Variants in GRM8 observed in about 807,000 individuals in gnomAD.
GRM8 encodes the protein glutamate metabotropic receptor 8.
GRM8 carries 47 observed loss-of-function variants against 87.2 expected under a neutral mutation model. That is an observed-to-expected ratio of 0.54 (90% CI 0.43 to 0.69). The LOEUF (loss-of-function observed/expected upper bound fraction) is 0.69. Ranked by LOEUF, GRM8 falls within the 30% of genes least tolerant of loss-of-function variation. The probability of loss-of-function intolerance (pLI) is 0.00; values close to 1 mark genes in which losing one functional copy is unlikely to be tolerated. For missense variants in GRM8, 1,019 were observed against 1,139.2 expected (o/e 0.89, Z 1.52); for synonymous variants, 396 against 404.5 (o/e 0.98, Z 0.25).
chr7:126,987,031 T>C (rs1205056445), intron 3 of GRM8, among the ~76,000 whole-genome samples: 3 of 152,264 alleles, frequency 2.0e-5, no homozygotes, highest in African/African-American at 7.2e-5. Context: ...CTAGAATCAA[T>C]AAATGGCAAA....
intron 3 of GRM8, among the ~76,000 whole-genome samples, chr7:127,038,568 G>C (rs750720087): frequency 1.3e-5 from 2 of 151,940 alleles, no homozygotes; most frequent in African/African-American, 2.4e-5. Context: ...CTCACATAAA[G>C]AACTTAAAAA....
At chr7:126,655,159 G>T (rs903168636) in intron 7 of GRM8, among the ~76,000 whole-genome samples, 7 of 152,034 alleles carry the variant, frequency 4.6e-5, no homozygotes, top group Non-Finnish European at 7.4e-5. Flanking sequence ...CTTTTATATT[G>T]TCATAAAGAC....
intron 9 of GRM8, among the ~76,000 whole-genome samples, chr7:126,492,794 G>A (rs993706311): frequency 4.8e-4 from 73 of 152,018 alleles, no homozygotes; most frequent in Non-Finnish European, 1.0e-3. Flanking sequence ...AAGTAATTCT[G>A]TCAGATGGAC....
chr7:126,589,643 C>T (rs370061234), intron 8 of GRM8, among the ~76,000 whole-genome samples: 1 of 152,314 alleles, frequency 6.6e-6, no homozygotes, highest in East Asian at 1.9e-4. Flanking sequence ...CTTGAAAGTG[C>T]CACCTCCTGG....
intron 9 of GRM8, among the ~76,000 whole-genome samples, chr7:126,504,034 C>A (rs1326050903): frequency 2.0e-5 from 3 of 151,976 alleles, no homozygotes; most frequent in Non-Finnish European, 2.9e-5. Context: ...AGGGGTTGTT[C>A]TGTTACCCCT....
At position 127,226,724 on chromosome 7, in the gene GRM8, G is replaced by C. The variant is rs550947301; in HGVS notation, c.510+15971C>G. 1.6e-4 allele frequency among the ~76,000 whole-genome samples: 25 copies of C among 152,336 alleles called. No homozygotes were observed. In the South Asian group the frequency reaches 4.8e-3, roughly 29 times the overall value. On this transcript the variant is annotated intron_variant, in intron 2 of 10. Transcript: ENST00000339582. Reference sequence around the variant, plus strand: ...GGCTCTTTCTGTCTTGAGCTGATTAGTGAACACTAGAATTCATGCTAGAGC... The same window carrying C: ...GGCTCTTTCTGTCTTGAGCTGATTACTGAACACTAGAATTCATGCTAGAGC...
chr7:127,053,137 G>A (rs537396890), intron 3 of GRM8, among the ~76,000 whole-genome samples: 99 of 152,278 alleles, frequency 6.5e-4, no homozygotes, highest in African/African-American at 2.3e-3. Flanking sequence ...TTAGGCACTT[G>A]GTGAGTGTGA....
intron 7 of GRM8, among the ~76,000 whole-genome samples, chr7:126,713,759 AAT>A (rs1402944717): frequency 2.0e-5 from 3 of 152,022 alleles, no homozygotes; most frequent in African/African-American, 7.2e-5. Context: ...AGTTATAATG[AAT>A]ATGTTTGATG....
intron 7 of GRM8, among the ~76,000 whole-genome samples, chr7:126,693,741 A>C (rs1809067414): frequency 6.6e-6 from 1 of 152,132 alleles, no homozygotes; most frequent in Admixed American, 6.5e-5. Context: ...TCTTTGTTTT[A>C]TAGTTTGTTT....
At chr7:127,088,257 T>A (rs1344186837) in intron 3 of GRM8, among the ~76,000 whole-genome samples, 1 of 152,168 alleles carries the variant, frequency 6.6e-6, no homozygotes, top group Non-Finnish European at 1.5e-5. Context: ...GTGAGTGAAG[T>A]CTGCATTCTG....
At chr7:126,942,307 T>C (rs1229037291) in intron 3 of GRM8, among the ~76,000 whole-genome samples, 1 of 152,104 alleles carries the variant, frequency 6.6e-6, no homozygotes, top group Non-Finnish European at 1.5e-5. Flanking sequence ...CATGCTATTA[T>C]TTTTTTTCCA....
At chr7:126,566,491 A>C (rs1259186089) in intron 8 of GRM8, among the ~76,000 whole-genome samples, 2 of 152,176 alleles carry the variant, frequency 1.3e-5, no homozygotes, top group East Asian at 1.9e-4. Context: ...ATGAGGTATC[A>C]CCTCACACCT....
intron 7 of GRM8, among the ~76,000 whole-genome samples, chr7:126,659,898 C>T (rs1804955169): frequency 6.6e-6 from 1 of 152,050 alleles, no homozygotes; most frequent in Non-Finnish European, 1.5e-5. Context: ...ATGTTACTGT[C>T]CATTTTTTTC....
intron 9 of GRM8, among the ~76,000 whole-genome samples, chr7:126,497,006 C>T (rs572205898): frequency 7.0e-6 from 1 of 142,742 alleles, no homozygotes; most frequent in Admixed American, 7.2e-5. Context: ...GTGCAAATAA[C>T]CAATTTTAAT....
At chr7:126,492,623 A>C (rs1469882631) in intron 9 of GRM8, among the ~76,000 whole-genome samples, 1 of 152,064 alleles carries the variant, frequency 6.6e-6, no homozygotes, top group African/African-American at 2.4e-5. Context: ...CACAGTAACT[A>C]TCTGGTAACA....
At chr7:126,800,846 G>A (rs1009654167) in intron 6 of GRM8, among the ~76,000 whole-genome samples, 3 of 152,002 alleles carry the variant, frequency 2.0e-5, no homozygotes, top group African/African-American at 7.2e-5. Flanking sequence ...ATGTTTAACT[G>A]AATAAAAATA....
intron 3 of GRM8, among the ~76,000 whole-genome samples, chr7:127,095,979 A>G (rs1487060796): frequency 6.6e-6 from 1 of 152,216 alleles, no homozygotes; most frequent in Non-Finnish European, 1.5e-5. Flanking sequence ...TCAAAATGAA[A>G]AAGGAAGCAA....
intron 2 of GRM8, among the ~76,000 whole-genome samples, chr7:127,210,456 T>G (rs1344532548): frequency 6.6e-6 from 1 of 152,196 alleles, no homozygotes; most frequent in Non-Finnish European, 1.5e-5. Flanking sequence ...GCAGTGGTGT[T>G]GTAAGGGAGT....
chr7:126,843,404 A>G (rs1232663462), intron 6 of GRM8, among the ~76,000 whole-genome samples: 2 of 152,264 alleles, frequency 1.3e-5, no homozygotes, highest in African/African-American at 2.4e-5. Flanking sequence ...TTTGGAATAA[A>G]AAAAGAAATC....
Sources: gnomAD v4.1 joint callset for allele counts (sites outside exome capture counted in the v4.1 genomes callset) on GRCh38, gnomAD v4.1.1 for gene constraint, MANE v1.5 for transcripts, NCBI Gene and HGNC (gene_info 2026-07-23, HGNC 2026-07-21) for gene names.